DNAH6: variants seen among roughly 807,000 people sequenced by gnomAD.
DNAH6 encodes dynein axonemal heavy chain 6.
In DNAH6, 340 loss-of-function variants were observed where a neutral mutation model predicts 491.4. The observed-to-expected ratio is 0.69, with a 90% confidence interval of 0.63 to 0.76. The LOEUF (loss-of-function observed/expected upper bound fraction) is 0.76, where lower values mean the gene tolerates loss of function less well. DNAH6 is among the 30% of genes least tolerant of loss of function. The pLI is 0.00. For missense variants in DNAH6, 4,443 were observed against 4,972.2 expected (o/e 0.89, Z 3.20); for synonymous variants, 1,603 against 1,686.1 (o/e 0.95, Z 1.21).
the DNAH6 span, among the ~76,000 whole-genome samples, chr2:84,501,762 G>A: frequency 6.7e-6 from 1 of 149,790 alleles, no homozygotes; most frequent in Non-Finnish European, 1.5e-5. Context: ...TTGGTAGGTT[G>A]TAAGTGTCTA....
chr2:84,814,250 A>T (rs1559072583), intron 75 of DNAH6, 128 bp downstream of exon 75: 2 of 910,282 alleles, frequency 2.2e-6, no homozygotes, highest in East Asian at 5.4e-5. Context: ...CAGGGTAGTA[A>T]TCACACCTCC....
chr2:84,571,739 C>T (rs534263438), intron 11 of DNAH6, among the ~76,000 whole-genome samples: 2 of 151,026 alleles, frequency 1.3e-5, no homozygotes, highest in East Asian at 3.9e-4. Context: ...CTGTGAAACC[C>T]CATCTCTACT....
At chr2:84,777,665 T>A in intron 64 of DNAH6, 1 of 812,766 alleles carries the variant, frequency 1.2e-6, no homozygotes, top group South Asian at 1.3e-5. Context: ...CACACTGGAA[T>A]CTCCACGTTC....
chr2:84,713,773 A>G (rs1288428567), intron 57 of DNAH6, among the ~76,000 whole-genome samples: 2 of 152,106 alleles, frequency 1.3e-5, no homozygotes, highest in Non-Finnish European at 2.9e-5. Context: ...TAAAGAGGTC[A>G]CCCATTTGAA....
Position 84,752,514 on chromosome 2 carries a change from C to T in DNAH6, c.10512+7265C>T, listed in dbSNP as rs527998298. 4.6e-5 allele frequency among the ~76,000 whole-genome samples: 7 copies of T among 152,236 alleles called. No individual in the cohort carries two copies. The East Asian group carries it at 1.2e-3, about 25-fold the overall frequency. On this transcript the variant is annotated intron_variant, in intron 63 of 76. Transcript: ENST00000389394. Reference sequence around the variant, plus strand: ...ATTCACCCATTTAAGATATTCACTTCAATGGCATTTAAGATCTTCACAGAG... The same window carrying T: ...ATTCACCCATTTAAGATATTCACTTTAATGGCATTTAAGATCTTCACAGAG...
At chr2:84,701,911 T>C (rs972091462) in intron 49 of DNAH6, among the ~76,000 whole-genome samples, 3 of 152,176 alleles carry the variant, frequency 2.0e-5, no homozygotes, top group Non-Finnish European at 4.4e-5. Context: ...GACCAAAAAG[T>C]GTTTCCTGCT....
At chr2:84,464,842 A>G in the DNAH6 span, among the ~76,000 whole-genome samples, 7 of 152,046 alleles carry the variant, frequency 4.6e-5, no homozygotes, top group East Asian at 3.9e-4. Flanking sequence ...CTGACCTCCT[A>G]TCTCATCCTG....
intron 63 of DNAH6, among the ~76,000 whole-genome samples, chr2:84,759,370 G>A (rs528160652): frequency 1.1e-3 from 171 of 152,142 alleles, no homozygotes; most frequent in African/African-American, 2.3e-3. Context: ...TTAGCCAGAT[G>A]TGGTGGTGCT....
At chr2:84,697,183 G>A (rs1695471631) in intron 46 of DNAH6, among the ~76,000 whole-genome samples, 1 of 152,138 alleles carries the variant, frequency 6.6e-6, no homozygotes, top group South Asian at 2.1e-4. Context: ...ATGTAAACAA[G>A]ACTGTAAACT....
intron 34 of DNAH6, among the ~76,000 whole-genome samples, chr2:84,654,419 C>T (rs1488112242): frequency 2.0e-5 from 3 of 152,042 alleles, no homozygotes; most frequent in African/African-American, 7.2e-5. Flanking sequence ...ATAACTAGCC[C>T]TGCCCATAGA....
chr2:84,515,369 C>G (rs1476194684), upstream of DNAH6, among the ~76,000 whole-genome samples: 1 of 152,196 alleles, frequency 6.6e-6, no homozygotes, highest in Non-Finnish European at 1.5e-5. Flanking sequence ...GCTGCCTGAC[C>G]TGGAGTAAAG....
chr2:84,719,542 G>A (rs917308454), intron 59 of DNAH6, among the ~76,000 whole-genome samples: 7 of 151,354 alleles, frequency 4.6e-5, no homozygotes, highest in African/African-American at 1.5e-4. Context: ...ACAGGGTTTC[G>A]CTCTGTCACC....
chr2:84,710,509 A>G (rs1265846845), intron 56 of DNAH6, 97 bp downstream of exon 56: 13 of 1,215,770 alleles, frequency 1.1e-5, no homozygotes, highest in African/African-American at 1.5e-5. Context: ...TAAAGACACC[A>G]GTCAACTCCA....
intron 18 of DNAH6, among the ~76,000 whole-genome samples, chr2:84,601,050 A>ACG (rs1441442261): frequency 2.0e-4 from 30 of 147,170 alleles, no homozygotes; most frequent in African/African-American, 7.3e-4. Context: ...TATAATAATA[A>ACG]TGTTATTATT....
At chr2:84,762,699 A>C in intron 63 of DNAH6, 56 bp from the exon 64 acceptor site, 3 of 1,328,898 alleles carry the variant, frequency 2.3e-6, no homozygotes, top group Non-Finnish European at 3.1e-6. Context: ...GAAAATTAGG[A>C]TAAAATTATG....
At chr2:84,623,178 C>T (rs1687554450) in intron 26 of DNAH6, among the ~76,000 whole-genome samples, 1 of 152,076 alleles carries the variant, frequency 6.6e-6, no homozygotes, top group South Asian at 2.1e-4. Context: ...TTGACAATGG[C>T]GTTGGCATTG....
Position 84,817,606 on chromosome 2 carries a change from TA to T in DNAH6, c.12373+1535del, listed in dbSNP as rs879747676. ...AACATAGTGAAACCCCCATCTCAAT[TA>T]AAAAAAAAAAATCCAACTGTCTTTG... On this transcript the variant is annotated intron_variant, in intron 76 of 76. Coordinates refer to ENST00000389394, the MANE Select transcript of DNAH6 (RefSeq NM_001370.2). Among the ~76,000 whole-genome samples, 414 of 145,706 alleles carry T rather than the reference TA, an allele frequency of 2.8e-3. 2 individuals are homozygous for T. Among genetic ancestry groups the T allele is most frequent in the East Asian group, 0.018 (93 of 5,042 alleles).
intron 64 of DNAH6, 57 bp from the exon 65 acceptor site, chr2:84,781,436 A>G: frequency 7.1e-7 from 1 of 1,409,710 alleles, no homozygotes; most frequent in African/African-American, 1.4e-5. Flanking sequence ...ATTTCTTCAT[A>G]TTGATTTTGC....
rs1319070581 is a variant in DNAH6 at position 84,517,949 on chromosome 2, C to T, written c.123C>T (p.Ser41=). Residue 41 remains serine (S), a synonymous_variant, in exon 2 of 77, where the codon TCC becomes TCT. Transcript: ENST00000389394. The part of the protein sequence containing the change: ...KAKQRVSYVT[S]TENESDTQIL... ...AACAAAGAGTGAGTTATGTGACATC[C>T]ACAGAAAATGAATCTGATACACAAA... 1 of 1,551,704 alleles carries T rather than the reference C, an allele frequency of 6.4e-7. No individual in the cohort carries two copies.
Sources: allele counts gnomAD v4.1 joint callset (sites outside exome capture counted in the v4.1 genomes callset), GRCh38; gene constraint gnomAD v4.1.1; transcripts MANE v1.5; gene names NCBI Gene and HGNC (gene_info 2026-07-23, HGNC 2026-07-21).